Variants in ARHGAP32 observed in about 807,000 individuals in gnomAD.
ARHGAP32 encodes the protein Rho GTPase activating protein 32.
ARHGAP32 carries 51 observed loss-of-function variants against 186.5 expected under a neutral mutation model. The ratio of observed to expected loss-of-function variants is 0.27; its 90% confidence interval spans 0.22 to 0.35. The LOEUF (loss-of-function observed/expected upper bound fraction) is 0.35, where lower values mean the gene tolerates loss of function less well. ARHGAP32 is among the 10% of genes least tolerant of loss of function. ARHGAP32 has a pLI of 1.00. For synonymous variants in ARHGAP32, 950 were observed against 964.3 expected (o/e 0.99, Z 0.27); for missense variants, 2,186 against 2,623.5 (o/e 0.83, Z 3.64).
At chr11:129,191,517 C>G (rs1171202201) in intron 1 of ARHGAP32, among the ~76,000 whole-genome samples, 2 of 151,956 alleles carry the variant, frequency 1.3e-5, no homozygotes, top group Non-Finnish European at 2.9e-5. Context: ...ACCAGAGATT[C>G]AAAAACCAAG....
At chr11:129,274,676 G>A (rs906993359) in intron 1 of ARHGAP32, among the ~76,000 whole-genome samples, 1 of 152,012 alleles carries the variant, frequency 6.6e-6, no homozygotes, top group Non-Finnish European at 1.5e-5. Context: ...TTTCTCAACT[G>A]TAAGATAATT....
intron 1 of ARHGAP32, among the ~76,000 whole-genome samples, chr11:129,274,581 A>T (rs1198677510): frequency 6.6e-6 from 1 of 152,218 alleles, no homozygotes; most frequent in Non-Finnish European, 1.5e-5. Context: ...TGTTTAACTC[A>T]GAACAATGGC....
At chr11:129,171,377 T>C (rs1181561824) in intron 1 of ARHGAP32, among the ~76,000 whole-genome samples, 1 of 152,182 alleles carries the variant, frequency 6.6e-6, no homozygotes, top group Non-Finnish European at 1.5e-5. Context: ...CCAGGTTCAG[T>C]TTTCTGTATA....
Position 129,249,328 on chromosome 11 carries a change from T to TAC in ARHGAP32, c.-5+29817_-5+29818insGT, listed in dbSNP as rs200263314. ...AAAGTAATACTCATACATATATATA[T>TAC]ATACACACACACATACATATATACA... is the stretch of plus-strand genomic sequence containing the variant. On this transcript the variant is annotated intron_variant, in intron 1 of 6. Transcript: ENST00000525234. Among the ~76,000 whole-genome samples, 820 of 152,180 alleles carry TAC rather than the reference T, an allele frequency of 5.4e-3. 9 individuals are homozygous for TAC. Among genetic ancestry groups the TAC allele is most frequent in the African/African-American group, 0.018 (767 of 41,524 alleles).
At chr11:129,070,236 G>T (rs1042182026) in intron 6 of ARHGAP32, among the ~76,000 whole-genome samples, 1 of 151,956 alleles carries the variant, frequency 6.6e-6, no homozygotes, top group Non-Finnish European at 1.5e-5. Flanking sequence ...AAGAGTAAGT[G>T]AAATAATCCA....
At chr11:129,146,698 AT>A (rs1943173565) in intron 2 of ARHGAP32, among the ~76,000 whole-genome samples, 1 of 152,078 alleles carries the variant, frequency 6.6e-6, no homozygotes. Context: ...GGTTTTTACC[AT>A]TGTTTTGATT....
chr11:129,117,063 T>C (rs999180827), intron 5 of ARHGAP32, among the ~76,000 whole-genome samples: 3 of 152,050 alleles, frequency 2.0e-5, no homozygotes, highest in East Asian at 1.9e-4. Flanking sequence ...TTATGTATCA[T>C]ACTTTTTAAC....
In ARHGAP32 at chr11:128,969,348, C is replaced by G; in HGVS notation, c.5865G>C (p.Glu1955Asp). Residue 1955 changes from glutamate (E) to aspartate (D), a missense_variant, in exon 23 of 23, where the codon GAG (glutamate) becomes GAC (aspartate). Glu to Asp is a conservative substitution (Grantham distance 45). Around this residue, in one of 5 missense-constraint regions of ARHGAP32, gnomAD observed 1,502 missense variants for 1,570.0 expected, o/e 0.96. Transcript: ENST00000682385. This position sits in a 1 kb window ranked among gnomAD's most constrained non-coding sequence, Gnocchi z 4.8. ...GQESLRLNHKEVRLSKEMERP... is the reference protein window; with the variant it reads ...GQESLRLNHKDVRLSKEMERP... ...GCTCCATCTCTTTGGAGAGCCTTAC[C>G]TCTTTGTGGTTCAGTCTTAAAGATT... 6.2e-7 allele frequency: 1 copy of G among 1,614,222 alleles called. No homozygotes were observed. The highest frequency in any genetic ancestry group is 8.5e-7 in the Non-Finnish European group (1 of 1,180,036).
intron 1 of ARHGAP32, among the ~76,000 whole-genome samples, chr11:129,184,749 A>C (rs1944125344): frequency 6.6e-6 from 1 of 152,098 alleles, no homozygotes; most frequent in Non-Finnish European, 1.5e-5. Flanking sequence ...AACAAAATAT[A>C]CATAACAATA....
At chr11:128,978,949 A>G in intron 18 of ARHGAP32, 34 bp from the exon 19 acceptor site, 2 of 1,574,826 alleles carry the variant, frequency 1.3e-6, no homozygotes, top group Non-Finnish European at 1.7e-6. Flanking sequence ...ACATTAAGAT[A>G]GCCATGGGTC....
chr11:129,195,937 G>C (rs1443657304), upstream of ARHGAP32, among the ~76,000 whole-genome samples: 1 of 152,134 alleles, frequency 6.6e-6, no homozygotes, highest in Non-Finnish European at 1.5e-5. Flanking sequence ...TTTTCTTCCT[G>C]ATTTGTTTAA....
chr11:129,259,308 T>G (rs779926558), intron 1 of ARHGAP32, among the ~76,000 whole-genome samples: 8 of 152,152 alleles, frequency 5.3e-5, no homozygotes, highest in Non-Finnish European at 1.0e-4. Context: ...TGGGCCCAGT[T>G]TGAACACTGG....
chr11:129,272,348 T>G (rs1318445418), intron 1 of ARHGAP32, among the ~76,000 whole-genome samples: 6 of 152,186 alleles, frequency 3.9e-5, no homozygotes, highest in Non-Finnish European at 7.3e-5. Flanking sequence ...GCTAAGGTAT[T>G]GCCCTCACCT....
intron 1 of ARHGAP32, among the ~76,000 whole-genome samples, chr11:129,228,722 G>C (rs1944817922): frequency 6.6e-6 from 1 of 152,106 alleles, no homozygotes; most frequent in Admixed American, 6.6e-5. Context: ...GTGGGGGAAG[G>C]GAGAGCATCA....
At chr11:129,143,675 G>C (rs1283432955) in intron 2 of ARHGAP32, among the ~76,000 whole-genome samples, 1 of 117,940 alleles carries the variant, frequency 8.5e-6, no homozygotes, top group Non-Finnish European at 2.0e-5. Flanking sequence ...AGAGGAGCTG[G>C]AAAGTGCTTC....
chr11:128,995,449 ATCC>A (rs1277475952), intron 12 of ARHGAP32, among the ~76,000 whole-genome samples: 1 of 152,178 alleles, frequency 6.6e-6, no homozygotes, highest in Non-Finnish European at 1.5e-5. Flanking sequence ...GCCTCCAGCG[ATCC>A]TCCTACCTTG....
intron 12 of ARHGAP32, among the ~76,000 whole-genome samples, chr11:128,991,792 A>T (rs1176826857): frequency 1.3e-5 from 2 of 152,336 alleles, no homozygotes; most frequent in East Asian, 1.9e-4. Context: ...TACATATTTA[A>T]ATTAAAATCG....
Position 129,124,910 on chromosome 11 carries a change from C to T in ARHGAP32, c.226-16G>A. 6.3e-7 allele frequency: 1 copy of T among 1,585,318 alleles called. No homozygotes were observed. Among genetic ancestry groups the T allele is most frequent in the Non-Finnish European group, 8.6e-7 (1 of 1,162,704 alleles). ...CGCCTCTTGCCTTAAAAAATAAAGA[C>T]AAAATATTTATGGCTATTACTTTAG... On this transcript the variant is annotated splice_polypyrimidine_tract_variant and intron_variant, in intron 2 of 22. Coordinates refer to ENST00000682385, the MANE Select transcript of ARHGAP32 (RefSeq NM_001378024.1).
intron 6 of ARHGAP32, among the ~76,000 whole-genome samples, chr11:129,073,257 A>G (rs1940928096): frequency 6.6e-6 from 1 of 152,244 alleles, no homozygotes; most frequent in Non-Finnish European, 1.5e-5. Flanking sequence ...GACTGAAGAC[A>G]CATCAGAAAA....
Sources: gnomAD v4.1 joint callset for allele counts (sites outside exome capture counted in the v4.1 genomes callset) on GRCh38, gnomAD v4.1.1 for gene constraint, gnomAD v4.1.1 regional missense constraint, Gnocchi (gnomAD v3.1) non-coding constraint, MANE v1.5 for transcripts, NCBI Gene and HGNC (gene_info 2026-07-23, HGNC 2026-07-21) for gene names.